Variants in EPHA6 observed in about 807,000 individuals in gnomAD.
EPHA6 encodes the protein EPH receptor A6.
Under a neutral mutation model 112.0 loss-of-function variants are expected in EPHA6, and 50 were observed. The ratio of observed to expected loss-of-function variants is 0.45; its 90% CI spans 0.36 to 0.56. The LOEUF (loss-of-function observed/expected upper bound fraction) is 0.56. Among genes scored for constraint, EPHA6 ranks in the 20% least tolerant of loss-of-function variants. The pLI, the probability that EPHA6 is intolerant of heterozygous loss-of-function variation, is 0.00. For missense variants in EPHA6, 1,280 were observed against 1,417.4 expected (o/e 0.90, Z 1.56); for synonymous variants, 529 against 490.7 (o/e 1.08, Z -1.03).
At chr3:97,094,363 C>T (rs116085411) in intron 3 of EPHA6, among the ~76,000 whole-genome samples, 139 of 152,110 alleles carry the variant, frequency 9.1e-4, no homozygotes, top group East Asian at 4.7e-3. Flanking sequence ...ATTCTGGTCA[C>T]GATATCAAAA....
chr3:96,891,005 C>A (rs981709031), intron 2 of EPHA6, among the ~76,000 whole-genome samples: 4 of 152,104 alleles, frequency 2.6e-5, no homozygotes, highest in African/African-American at 4.8e-5. Flanking sequence ...GAGAATTATT[C>A]CTGGGATGTG....
At chr3:97,720,531 C>CTATG (rs1559626678) in intron 15 of EPHA6, 121 bp downstream of exon 15, 2 of 819,816 alleles carry the variant, frequency 2.4e-6, no homozygotes, top group Non-Finnish European at 3.6e-6. Context: ...TTCTCATGGT[C>CTATG]TATGGCTGAG....
intron 3 of EPHA6, among the ~76,000 whole-genome samples, chr3:97,115,879 G>T (rs2047873229): frequency 6.6e-6 from 1 of 151,888 alleles, no homozygotes; most frequent in East Asian, 1.9e-4. Context: ...ATCATCATGT[G>T]AAAAGCACTT....
intron 2 of EPHA6, among the ~76,000 whole-genome samples, chr3:96,871,883 A>G (rs2036640492): frequency 6.6e-6 from 1 of 152,100 alleles, no homozygotes. Context: ...AGACTCATTG[A>G]CCCTAGATGT....
intron 5 of EPHA6, among the ~76,000 whole-genome samples, chr3:97,265,803 C>T (rs1576802277): frequency 6.6e-6 from 1 of 152,186 alleles, no homozygotes; most frequent in African/African-American, 2.4e-5. Context: ...CTGTTGCAGC[C>T]GGCGCAATGG....
chr3:97,484,555 A>G (rs532578801), intron 10 of EPHA6, among the ~76,000 whole-genome samples: 79 of 152,324 alleles, frequency 5.2e-4, no homozygotes, highest in African/African-American at 1.9e-3. Flanking sequence ...TTATTATTCA[A>G]CTATCCTGAA....
intron 10 of EPHA6, among the ~76,000 whole-genome samples, chr3:97,507,166 G>A (rs567497872): frequency 6.6e-6 from 1 of 151,924 alleles, no homozygotes; most frequent in Non-Finnish European, 1.5e-5. Flanking sequence ...TTTTTCTCTT[G>A]CCTGAATGAC....
At chr3:97,012,717 C>T (rs2044135698) in intron 3 of EPHA6, among the ~76,000 whole-genome samples, 1 of 150,480 alleles carries the variant, frequency 6.6e-6, no homozygotes, top group African/African-American at 2.4e-5. Context: ...CCCTCGGCCT[C>T]TCAAGTACTG....
rs1576405350 is a variant in EPHA6 at position 97,753,365 on chromosome 3, A to C, written c.*4664A>C. ...AAAGAAATAAATAGGATCTTCGTCCAGTGTGAATTGGATTTGCAATTCTAA... is the reference window on the plus strand; with the variant it reads ...AAAGAAATAAATAGGATCTTCGTCCCGTGTGAATTGGATTTGCAATTCTAA... On this transcript the variant is annotated 3_prime_UTR_variant, in exon 18 of 18. Transcript: ENST00000389672. 6.6e-6 allele frequency among the ~76,000 whole-genome samples: 1 copy of C among 152,312 alleles called. No homozygotes were observed. Among genetic ancestry groups the C allele is most frequent in the Admixed American group, 6.5e-5 (1 of 15,296 alleles).
At chr3:97,023,612 T>A (rs188078571) in intron 3 of EPHA6, among the ~76,000 whole-genome samples, 1 of 152,170 alleles carries the variant, frequency 6.6e-6, no homozygotes, top group Admixed American at 6.5e-5. Flanking sequence ...TCAGGGAAAA[T>A]AGGTTTTCAA....
At chr3:97,119,764 T>C (rs2047991545) in intron 3 of EPHA6, among the ~76,000 whole-genome samples, 1 of 152,040 alleles carries the variant, frequency 6.6e-6, no homozygotes, top group Non-Finnish European at 1.5e-5. Context: ...TGTTTTTGTA[T>C]TATTTTAGTT....
chr3:97,434,520 G>T (rs2089706079), intron 6 of EPHA6, among the ~76,000 whole-genome samples: 1 of 152,078 alleles, frequency 6.6e-6, no homozygotes, highest in South Asian at 2.1e-4. Context: ...GTTAAGTTTT[G>T]TGTGTGAAGG....
chr3:97,343,829 G>A (rs1229460608), intron 5 of EPHA6, among the ~76,000 whole-genome samples: 1 of 152,200 alleles, frequency 6.6e-6, no homozygotes, highest in African/African-American at 2.4e-5. Context: ...CTACTGCAGG[G>A]CTGCCCTACA....
intron 3 of EPHA6, among the ~76,000 whole-genome samples, chr3:97,175,499 C>A (rs1221164151): frequency 7.9e-5 from 12 of 151,860 alleles, no homozygotes; most frequent in Non-Finnish European, 1.8e-4. Flanking sequence ...GACATTTTAA[C>A]AATATTGATT....
intron 11 of EPHA6, among the ~76,000 whole-genome samples, chr3:97,542,537 T>G (rs2092876132): frequency 6.6e-6 from 1 of 152,188 alleles, no homozygotes; most frequent in Non-Finnish European, 1.5e-5. Flanking sequence ...CTATTGTGAA[T>G]AGTGCTGCTA....
chr3:96,941,493 C>A (rs1273833824), intron 2 of EPHA6, among the ~76,000 whole-genome samples: 2 of 152,168 alleles, frequency 1.3e-5, no homozygotes, highest in African/African-American at 2.4e-5. Flanking sequence ...TCTAGTTATA[C>A]ATTCGTCTAA....
intron 14 of EPHA6, among the ~76,000 whole-genome samples, chr3:97,687,764 C>T (rs1159785549): frequency 1.3e-5 from 2 of 152,200 alleles, no homozygotes; most frequent in South Asian, 4.1e-4. Flanking sequence ...ACCTTTACTT[C>T]TCATGTGTGA....
intron 5 of EPHA6, among the ~76,000 whole-genome samples, chr3:97,251,436 A>G (rs1476232516): frequency 6.6e-6 from 1 of 151,974 alleles, no homozygotes; most frequent in Non-Finnish European, 1.5e-5. Flanking sequence ...AGGCTGAATC[A>G]GGAGAATGGC....
intron 13 of EPHA6, among the ~76,000 whole-genome samples, chr3:97,624,558 T>C (rs2093840183): frequency 6.6e-6 from 1 of 151,566 alleles, no homozygotes; most frequent in South Asian, 2.1e-4. Flanking sequence ...CAAGGTAATG[T>C]TCATGGAATG....
Sources: gnomAD v4.1 joint callset for allele counts (sites outside exome capture counted in the v4.1 genomes callset) on GRCh38, gnomAD v4.1.1 for gene constraint, MANE v1.5 for transcripts, NCBI Gene and HGNC (gene_info 2026-07-23, HGNC 2026-07-21) for gene names.